The following PEX5L variants were observed in gnomAD, a reference collection of about 807,000 sequenced individuals.
PEX5L encodes the protein PEX5-related protein.
In PEX5L, 30 loss-of-function variants were observed where a neutral mutation model predicts 84.0. That is an observed-to-expected ratio of 0.36 (90% CI 0.27 to 0.48). The LOEUF (loss-of-function observed/expected upper bound fraction) is 0.48. PEX5L is among the 20% of genes least tolerant of loss of function. The pLI, the probability that PEX5L is intolerant of heterozygous loss-of-function variation, is 0.99. For missense variants in PEX5L, 533 were observed against 754.6 expected, an observed-to-expected ratio of 0.71 and a Z score of 3.44; for synonymous variants, 270 against 283.1, an observed-to-expected ratio of 0.95 and a Z score of 0.46.
At chr3:179,864,703 A>G (rs1314837260) in intron 7 of PEX5L, among the ~76,000 whole-genome samples, 2 of 152,186 alleles carry the variant, frequency 1.3e-5, no homozygotes, top group African/African-American at 2.4e-5. Flanking sequence ...TATAAAAATA[A>G]GTATGTGAGT....
At chr3:179,900,701 C>A in intron 2 of PEX5L, 6 of 1,535,784 alleles carry the variant, frequency 3.9e-6, no homozygotes, top group Non-Finnish European at 5.2e-6. Flanking sequence ...TTTTTGAAGA[C>A]AGTGCCACTT....
chr3:179,862,774 C>T (rs1367987947), intron 7 of PEX5L, among the ~76,000 whole-genome samples: 1 of 152,262 alleles, frequency 6.6e-6, no homozygotes, highest in East Asian at 1.9e-4. Flanking sequence ...CTAAAGCAAT[C>T]TACAGATCCA....
chr3:179,859,553 T>A (rs983466073), intron 7 of PEX5L, among the ~76,000 whole-genome samples: 9 of 152,226 alleles, frequency 5.9e-5, no homozygotes, highest in African/African-American at 2.2e-4. Context: ...ATTCAAGCTT[T>A]CAGCTTGTGA....
At position 179,796,071 on chromosome 3, in the gene PEX5L, A is replaced by G. The variant is rs1314293177; in HGVS notation, c.*5757T>C. ...TGTATGGTATCCATGCAGAAATGCTATATATCTCAGTGAAAATGCCAAATG... is the reference window on the plus strand; with the variant it reads ...TGTATGGTATCCATGCAGAAATGCTGTATATCTCAGTGAAAATGCCAAATG... On this transcript the variant is annotated 3_prime_UTR_variant, in exon 15 of 15. Transcript: ENST00000467460. 1 of 152,204 alleles carries G rather than the reference A, an allele frequency of 6.6e-6. No homozygotes were observed. Among genetic ancestry groups the G allele is most frequent in the Non-Finnish European group, 1.5e-5 (1 of 68,020 alleles). The allele number at this position is 152,204 out of a possible 1,614,324, so 9.4% of individuals were successfully genotyped here.
At chr3:179,984,574 T>G (rs1442096277) in intron 1 of PEX5L, among the ~76,000 whole-genome samples, 1 of 152,196 alleles carries the variant, frequency 6.6e-6, no homozygotes, top group Non-Finnish European at 1.5e-5. Context: ...AGACAAATGT[T>G]TGAACCACTG....
intron 2 of PEX5L, among the ~76,000 whole-genome samples, chr3:179,962,164 T>G (rs1226229861): frequency 1.2e-5 from 1 of 83,578 alleles, no homozygotes; most frequent in Non-Finnish European, 2.6e-5. Context: ...ATCAGACAAA[T>G]AGACTTTTAG....
chr3:179,979,125 C>T (rs1417897514), intron 1 of PEX5L, among the ~76,000 whole-genome samples: 1 of 152,030 alleles, frequency 6.6e-6, no homozygotes, highest in Non-Finnish European at 1.5e-5. Context: ...ATCAAGTAGG[C>T]AGAAAACAAA....
intron 12 of PEX5L, 74 bp from the exon 13 acceptor site, chr3:179,808,511 G>A: frequency 8.7e-7 from 1 of 1,143,796 alleles, no homozygotes; most frequent in Non-Finnish European, 1.2e-6. Context: ...TAAATCCCTT[G>A]ACTGTATTTC....
chr3:179,942,883 C>A (rs1020995604), intron 2 of PEX5L, among the ~76,000 whole-genome samples: 1 of 152,156 alleles, frequency 6.6e-6, no homozygotes, highest in Non-Finnish European at 1.5e-5. Context: ...ATGGAAAGGC[C>A]GTATTACTTT....
chr3:179,820,675 G>A (rs12486844), intron 8 of PEX5L: 4 of 152,164 alleles, frequency 2.6e-5, no homozygotes, highest in Non-Finnish European at 5.9e-5. Flanking sequence ...ACACATCTTC[G>A]GTAAGGGAAA....
chr3:180,021,045 A>G (rs757918669), intron 1 of PEX5L, among the ~76,000 whole-genome samples: 1 of 152,176 alleles, frequency 6.6e-6, no homozygotes, highest in Non-Finnish European at 1.5e-5. Flanking sequence ...AGAGTTCTGC[A>G]CAGGCTCAGG....
intron 1 of PEX5L, among the ~76,000 whole-genome samples, chr3:179,990,549 G>A (rs1354109743): frequency 6.6e-6 from 1 of 152,006 alleles, no homozygotes; most frequent in Non-Finnish European, 1.5e-5. Flanking sequence ...CAAGTGCACA[G>A]CACCACACCA....
At chr3:179,953,634 T>G (rs1779701667) in intron 2 of PEX5L, among the ~76,000 whole-genome samples, 2 of 152,158 alleles carry the variant, frequency 1.3e-5, no homozygotes, top group Non-Finnish European at 1.5e-5. Context: ...TGCCTTTAAG[T>G]TGGTTTCCAT....
intron 2 of PEX5L, among the ~76,000 whole-genome samples, chr3:179,926,175 C>T (rs1280891914): frequency 6.6e-6 from 1 of 152,198 alleles, no homozygotes; most frequent in East Asian, 1.9e-4. Flanking sequence ...GCCACCACCA[C>T]TGCTGCTACC....
chr3:179,986,403 T>C (rs2110350043), intron 1 of PEX5L, among the ~76,000 whole-genome samples: 1 of 144,794 alleles, frequency 6.9e-6, no homozygotes, highest in South Asian at 2.2e-4. Flanking sequence ...AGTAATTTTT[T>C]TTTTTTTTTT....
At chr3:179,807,861 C>G in intron 13 of PEX5L, 30 bp from the exon 14 acceptor site, 1 of 1,598,942 alleles carries the variant, frequency 6.3e-7, no homozygotes, top group Non-Finnish European at 8.5e-7. Context: ...TTTCTAACAA[C>G]CCAGTACAAG....
intron 9 of PEX5L, among the ~76,000 whole-genome samples, chr3:179,818,301 C>T (rs1450224915): frequency 6.6e-6 from 1 of 151,046 alleles, no homozygotes; most frequent in Admixed American, 6.6e-5. Flanking sequence ...TTGTGGGTAC[C>T]TAATAGGTAT....
Position 179,880,091 on chromosome 3 carries a change from T to A in PEX5L, c.343A>T (p.Ser115Cys). 2 of 1,612,928 alleles carry A rather than the reference T, an allele frequency of 1.2e-6. No individual in the cohort carries two copies. The highest frequency in any genetic ancestry group is 1.7e-6 in the Non-Finnish European group (2 of 1,179,380). Residue 115 changes from serine (S) to cysteine (C), a missense_variant, in exon 5 of 15, where the codon AGT (serine) becomes TGT (cysteine). By Grantham distance (112) the Ser-to-Cys change is moderately radical. This residue lies in a region of PEX5L where 259 missense variants were observed against 301.7 expected (regional missense o/e 0.86). Coordinates refer to ENST00000467460, the MANE Select transcript of PEX5L (RefSeq NM_016559.3). ...GTTTGGGTTTGAGAGACTGGTTCAC[T>A]CAGGTCGAGGAGATCTAAGCCAGTG... Reference protein sequence around the residue: ...LTTGLDLLDLSEPVSQTQTKA... With the variant: ...LTTGLDLLDLCEPVSQTQTKA...
intron 5 of PEX5L, among the ~76,000 whole-genome samples, chr3:179,876,777 A>G (rs1752566048): frequency 6.6e-6 from 1 of 152,122 alleles, no homozygotes; most frequent in African/African-American, 2.4e-5. Context: ...CTTTCTGTCT[A>G]TATGAAGTTG....
Sources: allele counts gnomAD v4.1 joint callset (sites outside exome capture counted in the v4.1 genomes callset), GRCh38; gene constraint gnomAD v4.1.1; regional missense constraint gnomAD v4.1.1; transcripts MANE v1.5; gene names NCBI Gene and HGNC (gene_info 2026-07-23, HGNC 2026-07-21).